Variants in LYRM7 observed in about 807,000 individuals in gnomAD.
LYRM7 encodes the protein LYR motif containing 7, also known as complex III assembly factor LYRM7.
In LYRM7, 9 loss-of-function variants were observed where a neutral mutation model predicts 15.8. That is an observed-to-expected ratio of 0.57 (90% confidence interval 0.34 to 0.99). LYRM7 has a LOEUF of 0.99. Among genes scored for constraint, LYRM7 ranks in the 50% least tolerant of loss-of-function variants. The pLI is 0.02. For synonymous variants in LYRM7, 39 were observed against 39.4 expected, an observed-to-expected ratio of 0.99 and a Z score of 0.04; for missense variants, 115 against 119.1, an observed-to-expected ratio of 0.97 and a Z score of 0.16.
intron 4 of LYRM7, among the ~76,000 whole-genome samples, chr5:131,196,167 G>C (rs1013666326): frequency 6.9e-6 from 1 of 145,394 alleles, no homozygotes; most frequent in African/African-American, 2.6e-5. Context: ...GCAGTGGCAC[G>C]ATCTTGGCTC....
At chr5:131,191,973 C>T (rs2149664692) in intron 4 of LYRM7, among the ~76,000 whole-genome samples, 1 of 145,740 alleles carries the variant, frequency 6.9e-6, no homozygotes, top group South Asian at 2.2e-4. Flanking sequence ...TTCACAATAA[C>T]CAAGATACGG....
intron 4 of LYRM7, among the ~76,000 whole-genome samples, chr5:131,197,541 CTTT>C (rs60003952): frequency 8.8e-5 from 8 of 90,746 alleles, no homozygotes; most frequent in Non-Finnish European, 1.2e-4. Flanking sequence ...TGTCTTCTGT[CTTT>C]TTTTTTTTTT....
intron 4 of LYRM7, among the ~76,000 whole-genome samples, chr5:131,187,515 C>T (rs1308523359): frequency 8.7e-5 from 13 of 149,986 alleles, no homozygotes; most frequent in Non-Finnish European, 7.4e-5. Context: ...GATGGAGTCT[C>T]ACTCTGTCGC....
At chr5:131,191,391 A>G (rs924709103) in intron 4 of LYRM7, among the ~76,000 whole-genome samples, 1 of 152,168 alleles carries the variant, frequency 6.6e-6, no homozygotes, top group African/African-American at 2.4e-5. Flanking sequence ...ATAATGTCTC[A>G]AAATGAAAAA....
chr5:131,202,534 C>A lies in LYRM7; in HGVS notation c.*2933C>A. 6.5e-6 allele frequency: 1 copy of A among 152,718 alleles called. No homozygotes were observed. The highest frequency in any genetic ancestry group is 1.9e-4 in the South Asian group (1 of 5,378). 9.5% of individuals were successfully genotyped at this position (152,718 alleles called of 1,614,324 possible). Reference sequence around the variant, plus strand: ...ACTTTTTTACACATGGGTATCTCACCATGTTGCCCAGGCTGGAGTGCAGTA... The same window carrying A: ...ACTTTTTTACACATGGGTATCTCACAATGTTGCCCAGGCTGGAGTGCAGTA... On this transcript the variant is annotated 3_prime_UTR_variant, in exon 5 of 5. Transcript: ENST00000379380.
chr5:131,191,202 T>A (rs1333235753), intron 4 of LYRM7, among the ~76,000 whole-genome samples: 1 of 151,812 alleles, frequency 6.6e-6, no homozygotes, highest in African/African-American at 2.4e-5. Context: ...CATATATATA[T>A]GTATAGGTCC....
At chr5:131,186,344 C>G (rs1178579498) in intron 3 of LYRM7, among the ~76,000 whole-genome samples, 1 of 152,166 alleles carries the variant, frequency 6.6e-6, no homozygotes, top group Non-Finnish European at 1.5e-5. Flanking sequence ...ACAAAAAATA[C>G]TCTAAATCTG....
intron 1 of LYRM7, among the ~76,000 whole-genome samples, chr5:131,175,749 G>GGTTTGGTTTTGTTTT (rs138957867): frequency 0.019 from 2,801 of 151,094 alleles, 37 homozygotes; most frequent in African/African-American, 0.046. Flanking sequence ...TGCCCAGGCT[G>GGTTTGGTTTTGTTTT]GTTTTGTTTT....
chr5:131,191,143 C>T (rs937312049), intron 4 of LYRM7, among the ~76,000 whole-genome samples: 2 of 151,494 alleles, frequency 1.3e-5, no homozygotes, highest in African/African-American at 4.8e-5. Context: ...ATAATAGCCT[C>T]ATTCTTTCTG....
chr5:131,176,290 T>A (rs544583890), intron 1 of LYRM7, among the ~76,000 whole-genome samples: 1 of 152,202 alleles, frequency 6.6e-6, no homozygotes, highest in Non-Finnish European at 1.5e-5. Context: ...AGGTTTAACT[T>A]TTTTTAGCAA....
intron 3 of LYRM7, among the ~76,000 whole-genome samples, chr5:131,183,150 A>G (rs1755740677): frequency 6.6e-6 from 1 of 152,132 alleles, no homozygotes; most frequent in African/African-American, 2.4e-5. Context: ...AAATGCATTT[A>G]TATTTAGTGG....
At chr5:131,184,696 C>T (rs924917388) in intron 3 of LYRM7, among the ~76,000 whole-genome samples, 2 of 151,608 alleles carry the variant, frequency 1.3e-5, no homozygotes, top group Admixed American at 6.6e-5. Context: ...TCTCTGGACC[C>T]GCCTAATCCC....
At chr5:131,195,455 G>A (rs992294020) in intron 4 of LYRM7, among the ~76,000 whole-genome samples, 1 of 152,138 alleles carries the variant, frequency 6.6e-6, no homozygotes, top group Non-Finnish European at 1.5e-5. Flanking sequence ...AATGCTAATT[G>A]TTCTTATCCA....
At chr5:131,179,474 T>TTTTTTTTTTTTTTTTTTTTTTCA (rs1755656398) in intron 1 of LYRM7, among the ~76,000 whole-genome samples, 3 of 23,486 alleles carry the variant, frequency 1.3e-4, no homozygotes, top group African/African-American at 2.0e-4. Context: ...TTTTTTTTTC[T>TTTTTTTTTTTTTTTTTTTTTTCA]TTTTTTTTTT....
chr5:131,195,404 T>C (rs1755948438), intron 4 of LYRM7, among the ~76,000 whole-genome samples: 1 of 152,216 alleles, frequency 6.6e-6, no homozygotes, highest in Non-Finnish European at 1.5e-5. Context: ...TAGAGTCTAA[T>C]TGATTAAGAG....
chr5:131,189,367 C>T (rs761919674), intron 4 of LYRM7, among the ~76,000 whole-genome samples: 13 of 128,810 alleles, frequency 1.0e-4, no homozygotes, highest in South Asian at 2.6e-4. Context: ...GGCATGAACC[C>T]GGGAGGCGGA....
At chr5:131,181,628 A>G (rs974112550) in intron 2 of LYRM7, among the ~76,000 whole-genome samples, 10 of 151,522 alleles carry the variant, frequency 6.6e-5, no homozygotes, top group Non-Finnish European at 1.0e-4. Context: ...AGCACTTTAT[A>G]CGGATTGTTC....
intron 1 of LYRM7, among the ~76,000 whole-genome samples, chr5:131,172,643 T>C (rs990866675): frequency 2.0e-5 from 3 of 152,266 alleles, no homozygotes; most frequent in African/African-American, 7.2e-5. Flanking sequence ...TTATGCTACA[T>C]GTGGGAAGAT....
chr5:131,181,511 A>G (rs1022436009), intron 2 of LYRM7, among the ~76,000 whole-genome samples: 19 of 142,656 alleles, frequency 1.3e-4, no homozygotes, highest in Admixed American at 5.9e-4. Context: ...CACACAACAT[A>G]GAAGGAAGTT....
Sources: gnomAD v4.1 joint callset for allele counts (sites outside exome capture counted in the v4.1 genomes callset) on GRCh38, gnomAD v4.1.1 for gene constraint, MANE v1.5 for transcripts, NCBI Gene and HGNC (gene_info 2026-07-23, HGNC 2026-07-21) for gene names.